HSPG2: variants seen among roughly 807,000 people sequenced by gnomAD.
HSPG2 encodes the protein heparan sulfate proteoglycan 2, also known as basement membrane-specific heparan sulfate proteoglycan core protein.
HSPG2 carries 278 observed loss-of-function variants against 526.6 expected under a neutral mutation model. That is an observed-to-expected ratio of 0.53 (90% CI 0.48 to 0.58). HSPG2 has a LOEUF of 0.58. Ranked by LOEUF, HSPG2 falls within the 20% of genes least tolerant of loss-of-function variation. HSPG2 has a pLI of 0.00. For synonymous variants in HSPG2, 2,465 were observed against 2,555.4 expected (o/e 0.96, Z 1.07); for missense variants, 5,354 against 6,099.5 (o/e 0.88, Z 4.07).
chr1:21,845,936 T>C (rs1638395525), intron 64 of HSPG2, among the ~76,000 whole-genome samples, 172 bp downstream of exon 64: 1 of 152,250 alleles, frequency 6.6e-6, no homozygotes, highest in African/African-American at 2.4e-5. Context: ...CCACTCCACC[T>C]GAGCCGGCTC....
Position 21,823,493 on chromosome 1 carries a change from C to T in HSPG2, c.13004-5G>A, listed in dbSNP as rs376645617. On this transcript the variant is annotated splice_region_variant and splice_polypyrimidine_tract_variant and intron_variant, in intron 96 of 96. Transcript: ENST00000374695. ...TGGCCACGTCAGGGGCTCCGCCTGC[C>T]GGGAGGTGAGAGGACAGGGCCTGTG... 3.3e-4 allele frequency: 536 copies of T among 1,604,492 alleles called. No homozygotes were observed. The highest frequency in any genetic ancestry group is 3.8e-4 in the Non-Finnish European group (444 of 1,178,700).
intron 17 of HSPG2, 66 bp downstream of exon 17, chr1:21,880,041 A>G (rs1350618054): frequency 3.8e-6 from 6 of 1,574,714 alleles, no homozygotes; most frequent in Non-Finnish European, 5.2e-6. Flanking sequence ...GCTCATGAAC[A>G]CAGGGAATCT....
chr1:21,876,889 T>A (rs997522576), intron 21 of HSPG2, among the ~76,000 whole-genome samples: 2 of 151,724 alleles, frequency 1.3e-5, no homozygotes, highest in African/African-American at 4.8e-5. Flanking sequence ...CAAAACCCTG[T>A]CTCTATTAAA....
chr1:21,857,389 C>T lies in HSPG2; in HGVS notation c.5294-4G>A. The stretch of plus-strand genomic sequence containing the variant: ...GTGATGGGCTTGCTTGGAGCCTCTG[C>T]AGGGACGGGAAGCCCCCCTGTGAGC... On this transcript the variant is annotated splice_region_variant and splice_polypyrimidine_tract_variant and intron_variant, in intron 42 of 96. Transcript: ENST00000374695. 6.2e-7 allele frequency: 1 copy of T among 1,613,210 alleles called. No homozygotes were observed. Among genetic ancestry groups the T allele is most frequent in the Non-Finnish European group, 8.5e-7 (1 of 1,179,860 alleles).
chr1:21,860,102 G>A (rs1384607796), intron 40 of HSPG2, 75 bp downstream of exon 40: 2 of 1,603,640 alleles, frequency 1.2e-6, no homozygotes, highest in African/African-American at 1.3e-5. Context: ...CCTGTCCCCA[G>A]ACCCAGTATC....
intron 87 of HSPG2, 31 bp from the exon 88 acceptor site, chr1:21,829,110 A>C (rs1444651147): frequency 6.5e-7 from 1 of 1,527,642 alleles, no homozygotes; most frequent in Non-Finnish European, 8.8e-7. Flanking sequence ...GGTTGGGCAC[A>C]TGGGGGCACA....
intron 91 of HSPG2, among the ~76,000 whole-genome samples, chr1:21,827,370 C>T (rs559973651): frequency 4.9e-4 from 75 of 152,292 alleles, no homozygotes; most frequent in Admixed American, 1.5e-3. Context: ...TGAACCCAAG[C>T]AGGCTGGCTC....
intron 21 of HSPG2, 27 bp downstream of exon 21, chr1:21,878,159 T>G: frequency 6.2e-7 from 1 of 1,608,110 alleles, no homozygotes; most frequent in Non-Finnish European, 8.5e-7. Flanking sequence ...CCAAGGCCCC[T>G]GGGTGGGTGG....
In HSPG2 at chr1:21,847,261, T is replaced by A; in HGVS notation, c.8164+93A>T. ...ATCTTTCCGCTGGCCCTTGCCTGAG[T>A]ACCACCAGGTCTGAGGACTCTGACC... On this transcript the variant is annotated intron_variant, in intron 62 of 96. Coordinates refer to ENST00000374695, the MANE Select transcript of HSPG2 (RefSeq NM_005529.7). The surrounding 1 kb of genome is among the most constrained non-coding windows in gnomAD (Gnocchi z 4.1). The A allele has an allele frequency of 7.0e-7, 1 of 1,434,548 alleles. No individual in the cohort carries two copies. The highest frequency in any genetic ancestry group is 9.8e-7 in the Non-Finnish European group (1 of 1,021,698). The allele number at this position is 1,434,548 out of a possible 1,614,324, so 88.9% of individuals were successfully genotyped here. A position where few individuals can be genotyped will look rare whatever the true frequency, so the allele number is the denominator to read the frequency against.
chr1:21,855,169 A>ATGCAGGGGCC, intron 47 of HSPG2, 135 bp downstream of exon 47: 1 of 1,363,172 alleles, frequency 7.3e-7, no homozygotes, highest in African/African-American at 1.5e-5. Flanking sequence ...ATGCAGGGGC[A>ATGCAGGGGCC]GGAGACCACC....
In HSPG2 at chr1:21,823,487, G is replaced by A. The variant is rs568526447; in HGVS notation, c.13005C>T (p.Gly4335=). 2.3e-5 allele frequency: 37 copies of A among 1,602,128 alleles called. No individual in the cohort carries two copies. In the East Asian group the frequency reaches 6.9e-4, roughly 30 times the overall value. The change falls in exon 97 of 97, where the codon GGC becomes GGT. Residue 4335 remains glycine (G), a splice_region_variant and synonymous_variant. Transcript: ENST00000374695. ...TCAGCGTGGCCACGTCAGGGGCTCC[G>A]CCTGCCGGGAGGTGAGAGGACAGGG... ...AVNAKGSVYI[G]GAPDVATLTG...
intron 13 of HSPG2, among the ~76,000 whole-genome samples, chr1:21,883,635 G>A (rs190772812): frequency 8.3e-4 from 126 of 152,308 alleles, no homozygotes; most frequent in African/African-American, 3.0e-3. Flanking sequence ...AGGTAACTAA[G>A]TTTTATACAA....
chr1:21,875,596 C>T (rs1354073048), intron 25 of HSPG2, 33 bp downstream of exon 25: 1 of 1,544,784 alleles, frequency 6.5e-7, no homozygotes, highest in African/African-American at 1.4e-5. Flanking sequence ...CTCCCCAAGC[C>T]CATGCTGGTC....
At position 21,890,444 on chromosome 1, in the gene HSPG2, G is replaced by A; in HGVS notation, c.396C>T (p.Val132=). ...CTTCTCACTTGATGAACACCACACT[G>A]ACAACCTGGTCTCCGGGAATTTTCA... ...EYLKIPGDQV[V]SVVFIKELDG... is the part of the protein sequence containing the mutation. The change falls in exon 5 of 97, where the codon GTC becomes GTT. Residue 132 remains valine, a synonymous_variant. Transcript: ENST00000374695. This position sits in a 1 kb window ranked among gnomAD's most constrained non-coding sequence, Gnocchi z 4.1. 6.2e-7 allele frequency: 1 copy of A among 1,613,830 alleles called. No homozygotes were observed. The highest frequency in any genetic ancestry group is 8.5e-7 in the Non-Finnish European group (1 of 1,179,970).
At chr1:21,905,540 G>A (rs1400864466) in intron 1 of HSPG2, among the ~76,000 whole-genome samples, 3 of 152,164 alleles carry the variant, frequency 2.0e-5, no homozygotes, top group Non-Finnish European at 4.4e-5. Context: ...TCAGGAGTTC[G>A]AGAGCAGCCT....
At chr1:21,840,061 G>C (rs948078140) in intron 71 of HSPG2, 44 bp from the exon 72 acceptor site, 4 of 1,555,788 alleles carry the variant, frequency 2.6e-6, no homozygotes, top group Non-Finnish European at 1.8e-6. Flanking sequence ...ACTCAGTGGG[G>C]ACGCTGATGT....
chr1:21,861,547 G>A (rs899119508), intron 39 of HSPG2, among the ~76,000 whole-genome samples: 2 of 152,262 alleles, frequency 1.3e-5, no homozygotes, highest in Non-Finnish European at 2.9e-5. Flanking sequence ...GTACAGAGTT[G>A]GGTGTCAGAA....
At chr1:21,871,149 G>GC (rs1411695688) in intron 33 of HSPG2, among the ~76,000 whole-genome samples, 1 of 151,426 alleles carries the variant, frequency 6.6e-6, no homozygotes, top group Non-Finnish European at 1.5e-5. Flanking sequence ...CTGAGCCCCT[G>GC]CCCCCCACAA....
intron 86 of HSPG2, 163 bp from the exon 87 acceptor site, chr1:21,829,767 T>A: frequency 1.4e-6 from 1 of 716,308 alleles, no homozygotes. Context: ...CCCCCTGCCC[T>A]TGCACACGGG....
Sources: gnomAD v4.1 joint callset for allele counts (sites outside exome capture counted in the v4.1 genomes callset) on GRCh38, gnomAD v4.1.1 for gene constraint, Gnocchi (gnomAD v3.1) non-coding constraint, MANE v1.5 for transcripts, NCBI Gene and HGNC (gene_info 2026-07-23, HGNC 2026-07-21) for gene names.